The following SRD5A1 variants were observed in gnomAD, a reference collection of about 807,000 sequenced individuals.
The protein encoded by SRD5A1 is 3-oxo-5-alpha-steroid 4-dehydrogenase 1.
SRD5A1 carries 22 observed loss-of-function variants against 28.2 expected under a neutral mutation model. The ratio of observed to expected loss-of-function variants is 0.78; its 90% CI spans 0.56 to 1.12. The LOEUF (loss-of-function observed/expected upper bound fraction) is 1.12. Among genes scored for constraint, SRD5A1 ranks in the 50% most tolerant of loss-of-function variants. The pLI is 0.00. For missense variants in SRD5A1, 300 were observed against 346.7 expected, an observed-to-expected ratio of 0.87 and a Z score of 1.07; for synonymous variants, 151 against 135.0, an observed-to-expected ratio of 1.12 and a Z score of -0.82.
chr5:6,674,007 A>C lies in SRD5A1; in HGVS notation c.*5739A>C, dbSNP rs1289614329. ...ATTTTAGGGCAGTGAAACTATTATT[A>C]TGATACTTTATGGATATAGAATATT... On this transcript the variant is annotated 3_prime_UTR_variant, in exon 5 of 5. Coordinates refer to ENST00000274192, the MANE Select transcript of SRD5A1 (RefSeq NM_001047.4). 6.6e-6 allele frequency: 1 copy of C among 152,214 alleles called. No individual in the cohort carries two copies. The highest frequency in any genetic ancestry group is 1.5e-5 in the Non-Finnish European group (1 of 68,044). 9.4% of individuals were successfully genotyped at this position (152,214 alleles called of 1,614,324 possible). A position where few individuals can be genotyped will look rare whatever the true frequency, so the allele number is the denominator to read the frequency against.
rs1738045139 is a variant in SRD5A1, at chr5:6,633,525, A to T, written c.-52A>T. 7.0e-7 allele frequency: 1 copy of T among 1,423,240 alleles called. No homozygotes were observed. Among genetic ancestry groups the T allele is most frequent in the Non-Finnish European group, 9.1e-7 (1 of 1,097,574 alleles). The allele number at this position is 1,423,240 out of a possible 1,614,324, so 88.2% of individuals were successfully genotyped here. Reference sequence around the variant, plus strand: ...TCCTGCCCCCGCGCCGCCGCCCTATATGTTGCCCGCCGCGGCCTCTGGGGC... The same window carrying T: ...TCCTGCCCCCGCGCCGCCGCCCTATTTGTTGCCCGCCGCGGCCTCTGGGGC... On this transcript the variant is annotated 5_prime_UTR_variant, in exon 1 of 5. The change abolishes an upstream ATG in the 5' untranslated region. Coordinates refer to ENST00000274192, the MANE Select transcript of SRD5A1 (RefSeq NM_001047.4).
intron 1 of SRD5A1, among the ~76,000 whole-genome samples, chr5:6,638,979 T>C (rs1738281991): frequency 6.6e-6 from 1 of 152,220 alleles, no homozygotes; most frequent in Non-Finnish European, 1.5e-5. Context: ...ATGACCTAAA[T>C]TACTCCCATA....
At chr5:6,638,743 A>G (rs537453933) in intron 1 of SRD5A1, among the ~76,000 whole-genome samples, 1 of 152,266 alleles carries the variant, frequency 6.6e-6, no homozygotes, top group Non-Finnish European at 1.5e-5. Flanking sequence ...TGAAATAATG[A>G]TAGCCAAGCA....
chr5:6,640,977 T>A (rs1218240469), intron 1 of SRD5A1, among the ~76,000 whole-genome samples: 1 of 152,224 alleles, frequency 6.6e-6, no homozygotes, highest in Non-Finnish European at 1.5e-5. Flanking sequence ...TGTTTCCCAT[T>A]GTTCCTCTAT....
rs73033320 is a variant in SRD5A1 at position 6,649,579 on chromosome 5, G to C, written c.294-2263G>C. On this transcript the variant is annotated intron_variant, in intron 1 of 4. Transcript: ENST00000274192. Reference sequence around the variant, plus strand: ...GGGACCCACTGAGCCAGGCACTGGAGAGAATGGTCTGCTGGTTGCGAAGAC... The same window carrying C: ...GGGACCCACTGAGCCAGGCACTGGACAGAATGGTCTGCTGGTTGCGAAGAC... Among the ~76,000 whole-genome samples the C allele has an allele frequency of 6.6e-3, 1,013 of 152,364 alleles. 10 individuals are homozygous for C. Among genetic ancestry groups the C allele is most frequent in the African/African-American group, 0.023 (973 of 41,584 alleles).
intron 1 of SRD5A1, among the ~76,000 whole-genome samples, chr5:6,646,552 T>C (rs571456007): frequency 4.6e-5 from 7 of 152,338 alleles, no homozygotes; most frequent in Admixed American, 3.9e-4. Context: ...ATTTTTCTAG[T>C]TTATTTGCAT....
intron 3 of SRD5A1, among the ~76,000 whole-genome samples, chr5:6,659,335 G>T (rs375137696): frequency 1.3e-5 from 2 of 151,818 alleles, no homozygotes; most frequent in Non-Finnish European, 1.5e-5. Context: ...GGATGGTCTC[G>T]ATCTCCTGAC....
chr5:6,646,938 C>T (rs1186271064), intron 1 of SRD5A1, among the ~76,000 whole-genome samples: 1 of 152,214 alleles, frequency 6.6e-6, no homozygotes, highest in Non-Finnish European at 1.5e-5. Context: ...CCTCTACACA[C>T]TGCTTTAAAT....
At chr5:6,663,511 G>C (rs1739072703) in intron 4 of SRD5A1, among the ~76,000 whole-genome samples, 1 of 152,162 alleles carries the variant, frequency 6.6e-6, no homozygotes, top group Admixed American at 6.5e-5. Context: ...CGGGTCCTTG[G>C]CTTTTATCTG....
At chr5:6,643,256 A>G (rs1738415930) in intron 1 of SRD5A1, among the ~76,000 whole-genome samples, 1 of 151,780 alleles carries the variant, frequency 6.6e-6, no homozygotes, top group African/African-American at 2.4e-5. Context: ...ACATCCATAG[A>G]CTCACCCAGA....
rs1739349091 is a variant in SRD5A1 at position 6,671,151 on chromosome 5, A to G, written c.*2883A>G. 6.6e-6 allele frequency: 1 copy of G among 152,180 alleles called. No individual in the cohort carries two copies. Among genetic ancestry groups the G allele is most frequent in the African/African-American group, 2.4e-5 (1 of 41,442 alleles). 9.4% of individuals were successfully genotyped at this position (152,180 alleles called of 1,614,324 possible). ...TGTGGAAGTGTTCCATGATTGCCGC[A>G]TGCATGCCAACATCTACTGTTTTTT... is the stretch of plus-strand genomic sequence containing the variant. On this transcript the variant is annotated 3_prime_UTR_variant, in exon 5 of 5. Transcript: ENST00000274192.
At chr5:6,633,944 G>C in intron 1 of SRD5A1, 75 bp downstream of exon 1, 1 of 1,515,876 alleles carries the variant, frequency 6.6e-7, no homozygotes. Context: ...TCACTGCCCG[G>C]TGCCCTCTCC....
intron 3 of SRD5A1, among the ~76,000 whole-genome samples, chr5:6,657,723 G>A (rs1050158010): frequency 2.6e-5 from 4 of 152,172 alleles, no homozygotes; most frequent in Non-Finnish European, 5.9e-5. Context: ...CCCATGGGAG[G>A]GCCCTCCTGG....
intron 2 of SRD5A1, 152 bp downstream of exon 2, chr5:6,652,160 G>GCTGTCTCTGGGGGCT: frequency 2.3e-6 from 2 of 866,058 alleles, no homozygotes; most frequent in Non-Finnish European, 3.4e-6. Flanking sequence ...GGAGAGCCCA[G>GCTGTCTCTGGGGGCT]CTGTCTCAGC....
At chr5:6,654,911 G>A (rs1394782105) in intron 2 of SRD5A1, among the ~76,000 whole-genome samples, 1 of 152,112 alleles carries the variant, frequency 6.6e-6, no homozygotes, top group African/African-American at 2.4e-5. Flanking sequence ...AATTACCTAG[G>A]GGTGAAATAC....
At chr5:6,638,576 A>T (rs1356923949) in intron 1 of SRD5A1, among the ~76,000 whole-genome samples, 4 of 152,230 alleles carry the variant, frequency 2.6e-5, no homozygotes, top group African/African-American at 9.6e-5. Context: ...TTGGGTTTCC[A>T]TGTGCTTATG....
At chr5:6,649,293 C>A (rs1006675672) in intron 1 of SRD5A1, among the ~76,000 whole-genome samples, 2 of 152,182 alleles carry the variant, frequency 1.3e-5, no homozygotes, top group East Asian at 1.9e-4. Flanking sequence ...CAGGCAGAGA[C>A]GTTTAAGTCT....
rs762203623 is a variant in SRD5A1 at position 6,656,149 on chromosome 5, C to A, written c.532C>A (p.Pro178Thr). ...SDHILRNLRKPGDTGYKIPRG... is the reference protein window; with the variant it reads ...SDHILRNLRKTGDTGYKIPRG... ...TCATATCCTAAGGAATCTCAGAAAA[C>A]CAGGAGATACTGGATACAAAATACC... The change falls in exon 3 of 5, where the codon CCA (proline) becomes ACA (threonine). Residue 178 changes from proline (P) to threonine (T), a missense_variant. By Grantham distance (38) the Pro-to-Thr change is conservative. This residue lies in a region of SRD5A1 where 126 missense variants were observed against 185.7 expected (regional missense o/e 0.68). Transcript: ENST00000274192. 6.2e-7 allele frequency: 1 copy of A among 1,613,862 alleles called. No homozygotes were observed.
In SRD5A1 at chr5:6,656,639, T is replaced by C. The variant is rs1401896876; in HGVS notation, c.562+460T>C. 3.9e-5 allele frequency among the ~76,000 whole-genome samples: 6 copies of C among 152,166 alleles called. No individual in the cohort carries two copies. The East Asian group carries it at 1.2e-3, about 29-fold the overall frequency. ...AATGTTGGAATCTGGAGCGTGTCTT[T>C]TGAGAATTTGTGATGAGGCGCCGAC... On this transcript the variant is annotated intron_variant, in intron 3 of 4. Coordinates refer to ENST00000274192, the MANE Select transcript of SRD5A1 (RefSeq NM_001047.4).
Sources: gnomAD v4.1 joint callset for allele counts (sites outside exome capture counted in the v4.1 genomes callset) on GRCh38, gnomAD v4.1.1 for gene constraint, gnomAD v4.1.1 regional missense constraint, MANE v1.5 for transcripts, NCBI Gene and HGNC (gene_info 2026-07-23, HGNC 2026-07-21) for gene names.